Variants in RFFL observed in about 807,000 individuals in gnomAD.
RFFL encodes the protein ring finger and FYVE like domain containing E3 ubiquitin protein ligase.
Under a neutral mutation model 40.4 loss-of-function variants are expected in RFFL, and 16 were observed. The ratio of observed to expected loss-of-function variants is 0.40; its 90% CI spans 0.27 to 0.60. RFFL has a LOEUF of 0.60. RFFL is among the 20% of genes least tolerant of loss of function. The pLI is 0.47. For missense variants in RFFL, 367 were observed against 451.7 expected, an observed-to-expected ratio of 0.81 and a Z score of 1.70; for synonymous variants, 154 against 167.9, an observed-to-expected ratio of 0.92 and a Z score of 0.64.
chr17:35,006,045 G>A lies in RFFL; in HGVS notation c.*5923C>T. 1 of 229,928 alleles carries A rather than the reference G, an allele frequency of 4.3e-6. No individual in the cohort carries two copies. Among genetic ancestry groups the A allele is most frequent in the Non-Finnish European group, 8.6e-6 (1 of 116,000 alleles). The allele number at this position is 229,928 out of a possible 1,614,324, so 14.2% of individuals were successfully genotyped here. Reference sequence around the variant, plus strand: ...AAAGAAAATATACTCCATATCTGCAGGGAAAAAAATAAAAATCCACACCTG... The same window carrying A: ...AAAGAAAATATACTCCATATCTGCAAGGAAAAAAATAAAAATCCACACCTG... On this transcript the variant is annotated 3_prime_UTR_variant, in exon 7 of 7. Transcript: ENST00000394597.
chr17:35,067,034 G>C (rs899966157), upstream of RFFL, among the ~76,000 whole-genome samples: 1 of 151,884 alleles, frequency 6.6e-6, no homozygotes, highest in African/African-American at 2.4e-5. Flanking sequence ...CAACAGGGGT[G>C]CTTATTGAAA....
At chr17:35,086,148 A>G (rs1453591518) in intron 1 of RFFL, among the ~76,000 whole-genome samples, 2 of 152,216 alleles carry the variant, frequency 1.3e-5, no homozygotes, top group African/African-American at 4.8e-5. Context: ...AGTTAATCAG[A>G]TATTTCCTTA....
intron 1 of RFFL, among the ~76,000 whole-genome samples, chr17:35,035,408 C>CA (rs35989343): frequency 0.027 from 3,102 of 115,640 alleles, 68 homozygotes; most frequent in African/African-American, 0.061. Flanking sequence ...GACTCCATCT[C>CA]AAAAAAAAAA....
intron 1 of RFFL, among the ~76,000 whole-genome samples, chr17:35,079,126 C>T (rs1183578094): frequency 6.6e-6 from 1 of 152,128 alleles, no homozygotes; most frequent in Non-Finnish European, 1.5e-5. Flanking sequence ...CCAAATAAAA[C>T]TAGAGGCTTA....
intron 1 of RFFL, among the ~76,000 whole-genome samples, chr17:35,030,363 G>C (rs2091074928): frequency 6.6e-6 from 1 of 150,908 alleles, no homozygotes; most frequent in Admixed American, 6.6e-5. Flanking sequence ...GTTGTTTCCT[G>C]ACTTTTTAAT....
chr17:35,021,406 A>T lies in RFFL; in HGVS notation c.556T>A (p.Ser186Thr). 1.3e-6 allele frequency: 2 copies of T among 1,528,158 alleles called. No homozygotes were observed. The highest frequency in any genetic ancestry group is 1.8e-6 in the Non-Finnish European group (2 of 1,140,754). The allele number at this position is 1,528,158 out of a possible 1,614,324, so 94.7% of individuals were successfully genotyped here. The stretch of plus-strand genomic sequence containing the variant: ...TCCTGAACCTGGGCTGGGGGAACAG[A>T]GGTGGCTTGTGCAGATGAAGAGGGG... ...NLPSSSAQAT[S>T]VPPAQVQENQ... The change falls in exon 3 of 7, where the codon TCT becomes ACT. Residue 186 changes from serine (S) to threonine (T), a missense_variant. Physicochemically the swap from Ser to Thr is moderately conservative, Grantham distance 58. Transcript: ENST00000394597.
At chr17:35,036,040 C>A (rs2091119970) in intron 1 of RFFL, among the ~76,000 whole-genome samples, 1 of 152,058 alleles carries the variant, frequency 6.6e-6, no homozygotes. Flanking sequence ...AGAAACATGT[C>A]CTAATGTGGT....
chr17:35,010,684 G>A lies in RFFL; in HGVS notation c.*1284C>T, dbSNP rs1485577636. The A allele has an allele frequency of 6.6e-6, 1 of 151,446 alleles. No homozygotes were observed. The highest frequency in any genetic ancestry group is 1.5e-5 in the Non-Finnish European group (1 of 68,052). 9.4% of individuals were successfully genotyped at this position (151,446 alleles called of 1,614,324 possible). On this transcript the variant is annotated 3_prime_UTR_variant, in exon 7 of 7. Transcript: ENST00000394597. ...GGAGAATAGCTTGAACCTGGGAGGTGGAGGTTGCAGTAAGCCAAGACTGTA... is the reference window on the plus strand; with the variant it reads ...GGAGAATAGCTTGAACCTGGGAGGTAGAGGTTGCAGTAAGCCAAGACTGTA...
chr17:35,017,450 C>G, intron 4 of RFFL, 73 bp downstream of exon 4: 2 of 939,550 alleles, frequency 2.1e-6, no homozygotes, highest in East Asian at 2.6e-5. Context: ...CTCCACTCGA[C>G]TCTGCTAAGA....
intron 1 of RFFL, among the ~76,000 whole-genome samples, chr17:35,069,942 A>G (rs540070044): frequency 6.6e-6 from 1 of 152,248 alleles, no homozygotes; most frequent in South Asian, 2.1e-4. Context: ...AATGCTCCAT[A>G]ATACATTACC....
Position 35,011,877 on chromosome 17 carries a change from A to G in RFFL, c.*91T>C, listed in dbSNP as rs1301816397. On this transcript the variant is annotated 3_prime_UTR_variant, in exon 7 of 7. Transcript: ENST00000394597. ...GTTTTGGGAACCCTGCAATATTTCT[A>G]CTAGCTTGCTCCTCTGCAAGCTGGC... 2.4e-6 allele frequency: 3 copies of G among 1,245,902 alleles called. No homozygotes were observed. Among genetic ancestry groups the G allele is most frequent in the African/African-American group, 3.0e-5 (2 of 67,108 alleles). 77.2% of individuals were successfully genotyped at this position (1,245,902 alleles called of 1,614,324 possible).
chr17:35,030,436 T>C (rs950369067), intron 1 of RFFL, among the ~76,000 whole-genome samples: 4 of 151,932 alleles, frequency 2.6e-5, no homozygotes, highest in Non-Finnish European at 4.4e-5. Flanking sequence ...ATTTCTCTGA[T>C]GGCCAGTGAT....
intron 6 of RFFL, among the ~76,000 whole-genome samples, chr17:35,014,386 T>C (rs138470464): frequency 6.6e-6 from 1 of 152,256 alleles, no homozygotes; most frequent in East Asian, 1.9e-4. Context: ...AGACCCTCCC[T>C]ACCCAGACCA....
In RFFL at chr17:35,031,145, C is replaced by T. The variant is rs144148873; in HGVS notation, c.-8-4584G>A. ...TTTTTGGGATGGAGTCTCCTTCTGT[C>T]GCCCAGGCTGGAGTGCAGTGGCATG... On this transcript the variant is annotated intron_variant, in intron 1 of 6. Coordinates refer to ENST00000394597, the MANE Select transcript of RFFL (RefSeq NM_001017368.2). 4.9e-3 allele frequency among the ~76,000 whole-genome samples: 747 copies of T among 151,990 alleles called. 6 individuals are homozygous for T. The highest frequency in any genetic ancestry group is 0.041 in the Middle Eastern group (12 of 294).
At chr17:35,069,830 G>T (rs761152637) in intron 1 of RFFL, among the ~76,000 whole-genome samples, 2 of 151,746 alleles carry the variant, frequency 1.3e-5, no homozygotes, top group Non-Finnish European at 2.9e-5. Flanking sequence ...TCTTTCAAAG[G>T]TACCTCTCTC....
chr17:35,011,921 C>A lies in RFFL; in HGVS notation c.*47G>T. 6.3e-7 allele frequency: 1 copy of A among 1,583,606 alleles called. No individual in the cohort carries two copies. Among genetic ancestry groups the A allele is most frequent in the African/African-American group, 1.3e-5 (1 of 74,544 alleles). ...AGCTGGCCAACCCTGAGCCCAGACACCCCAGGCTATTTCCCTGTAAGGCAC... is the reference window on the plus strand; with the variant it reads ...AGCTGGCCAACCCTGAGCCCAGACAACCCAGGCTATTTCCCTGTAAGGCAC... On this transcript the variant is annotated 3_prime_UTR_variant, in exon 7 of 7. Coordinates refer to ENST00000394597, the MANE Select transcript of RFFL (RefSeq NM_001017368.2).
Position 35,008,148 on chromosome 17 carries a change from C to T in RFFL, c.*3820G>A, listed in dbSNP as rs2090908791. 6.6e-6 allele frequency: 1 copy of T among 152,250 alleles called. No individual in the cohort carries two copies. Among genetic ancestry groups the T allele is most frequent in the South Asian group, 2.1e-4 (1 of 4,828 alleles). The allele number at this position is 152,250 out of a possible 1,614,324, so 9.4% of individuals were successfully genotyped here. On this transcript the variant is annotated 3_prime_UTR_variant, in exon 7 of 7. Transcript: ENST00000394597. ...AGACCTAACTGGGCATACTAACTGTCCTCAGATTTCAGTTCTTTAAGGCCC... is the reference window on the plus strand; with the variant it reads ...AGACCTAACTGGGCATACTAACTGTTCTCAGATTTCAGTTCTTTAAGGCCC...
chr17:35,074,052 T>G (rs1278894209), intron 1 of RFFL: 1 of 152,180 alleles, frequency 6.6e-6, no homozygotes, highest in Non-Finnish European at 1.5e-5. Flanking sequence ...CTATTCTTTT[T>G]TATTTTAAGA....
rs936249340 is a variant in RFFL at position 35,006,262 on chromosome 17, TTGAAATGA to T, written c.*5698_*5705del. ...CTAGCCACAGACAGCTGCTGAGCAA[TTGAAATGA>T]AGCTGGCACAACTAAGGAACTGAAG... On this transcript the variant is annotated 3_prime_UTR_variant, in exon 7 of 7. Coordinates refer to ENST00000394597, the MANE Select transcript of RFFL (RefSeq NM_001017368.2). 1 of 154,964 alleles carries T rather than the reference TTGAAATGA, an allele frequency of 6.5e-6. No homozygotes were observed. The highest frequency in any genetic ancestry group is 1.4e-5 in the Non-Finnish European group (1 of 69,944). 9.6% of individuals were successfully genotyped at this position (154,964 alleles called of 1,614,324 possible). A position where few individuals can be genotyped will look rare whatever the true frequency, so the allele number is the denominator to read the frequency against.
Sources: allele counts gnomAD v4.1 joint callset (sites outside exome capture counted in the v4.1 genomes callset), GRCh38; gene constraint gnomAD v4.1.1; transcripts MANE v1.5; gene names NCBI Gene and HGNC (gene_info 2026-07-23, HGNC 2026-07-21).